The following UST variants were observed in gnomAD, a reference collection of about 807,000 sequenced individuals.
UST encodes the protein chondroitin sulfate 2-O-sulfotransferase.
Under a neutral mutation model 45.6 loss-of-function variants are expected in UST, and 21 were observed. That is an observed-to-expected ratio of 0.46 (90% CI 0.33 to 0.66). The LOEUF is 0.66. Among genes scored for constraint, UST ranks in the 30% least tolerant of loss-of-function variants. The pLI is 0.02. For missense variants in UST, 463 were observed against 512.4 expected (o/e 0.90, Z 0.93); for synonymous variants, 215 against 200.6 (o/e 1.07, Z -0.61).
rs902821198 is a variant in UST, at chr6:148,975,682, G to A, written c.681+11119G>A. Among the ~76,000 whole-genome samples, 4 of 152,118 alleles carry A rather than the reference G, an allele frequency of 2.6e-5. 1 individual carries two copies. The highest frequency in any genetic ancestry group is 1.9e-4 in the East Asian group (1 of 5,202). On this transcript the variant is annotated intron_variant, in intron 5 of 7. Transcript: ENST00000367463. ...CAATAAAATTTCAGTTAGAAAAAAA[G>A]CATCATGCACCAATAGAGAAAAGAT... is the stretch of plus-strand genomic sequence containing the variant.
At chr6:148,761,716 C>G (rs889032635) in intron 1 of UST, among the ~76,000 whole-genome samples, 2 of 152,142 alleles carry the variant, frequency 1.3e-5, no homozygotes, top group African/African-American at 4.8e-5. Flanking sequence ...CAGCCTGGCC[C>G]GGGGATTGTG....
intron 1 of UST, among the ~76,000 whole-genome samples, chr6:148,854,705 ATGAAT>A (rs1778169213): frequency 6.6e-6 from 1 of 152,180 alleles, no homozygotes; most frequent in African/African-American, 2.4e-5. Context: ...CTATTTCCTG[ATGAAT>A]TGAAGTTCAC....
intron 3 of UST, among the ~76,000 whole-genome samples, chr6:148,949,472 C>T (rs1343401411): frequency 6.6e-6 from 1 of 150,820 alleles, no homozygotes; most frequent in Non-Finnish European, 1.5e-5. Flanking sequence ...GATTAAATGA[C>T]ACCATATGTA....
intron 7 of UST, among the ~76,000 whole-genome samples, chr6:149,047,837 G>A (rs1776416019): frequency 6.6e-6 from 1 of 152,090 alleles, no homozygotes; most frequent in African/African-American, 2.4e-5. Context: ...CAAGTGACAT[G>A]GCCAGTGATC....
chr6:148,913,423 C>T (rs78434318), intron 2 of UST, among the ~76,000 whole-genome samples: 279 of 79,834 alleles, frequency 3.5e-3, no homozygotes, highest in Admixed American at 3.8e-3. Flanking sequence ...GACCAAAAAT[C>T]TTTTTTTTTT....
Position 149,074,068 on chromosome 6 carries a change from T to C in UST, c.1173T>C (p.Asp391=). 1.2e-6 allele frequency: 2 copies of C among 1,614,202 alleles called. No homozygotes were observed. Among genetic ancestry groups the C allele is most frequent in the African/African-American group, 1.3e-5 (1 of 75,058 alleles). The change falls in exon 8 of 8, where the codon GAT becomes GAC. Residue 391 remains aspartate (D), a synonymous_variant. Transcript: ENST00000367463. ...TPLETEEPID[D]EEQDDEKWLE... is the part of the protein sequence containing the mutation. ...TGGAAACCGAGGAGCCAATCGACGA[T>C]GAAGAACAGGATGATGAAAAGTGGC... is the stretch of plus-strand genomic sequence containing the variant.
chr6:148,970,339 A>G (rs1018046456), intron 5 of UST, among the ~76,000 whole-genome samples: 3 of 152,174 alleles, frequency 2.0e-5, no homozygotes, highest in Non-Finnish European at 4.4e-5. Context: ...GCAGGTTAGC[A>G]TGCTTTGCCT....
chr6:148,970,655 C>T (rs1167908123), intron 5 of UST, among the ~76,000 whole-genome samples: 6 of 152,180 alleles, frequency 3.9e-5, no homozygotes, highest in Non-Finnish European at 5.9e-5. Context: ...ACATGAACCA[C>T]AGCACAGCTA....
intron 1 of UST, among the ~76,000 whole-genome samples, chr6:148,781,754 A>T (rs768959988): frequency 3.3e-5 from 5 of 152,224 alleles, no homozygotes; most frequent in Admixed American, 6.5e-5. Flanking sequence ...CTGGTATCTT[A>T]AAGTTGAACC....
intron 5 of UST, among the ~76,000 whole-genome samples, chr6:148,966,533 T>C (rs975479026): frequency 3.3e-5 from 5 of 152,224 alleles, no homozygotes; most frequent in Non-Finnish European, 5.9e-5. Context: ...ACACGTCTTA[T>C]GAACACTACT....
intron 5 of UST, among the ~76,000 whole-genome samples, chr6:148,972,883 T>A (rs1397428686): frequency 1.4e-4 from 8 of 56,812 alleles, no homozygotes; most frequent in African/African-American, 6.3e-4. Context: ...GGCTTTGGGA[T>A]TTTTTTTTTT....
chr6:148,898,632 A>G (rs530119845), intron 2 of UST, among the ~76,000 whole-genome samples: 1 of 152,366 alleles, frequency 6.6e-6, no homozygotes, highest in African/African-American at 2.4e-5. Flanking sequence ...CCCAAGAAGA[A>G]CATAATGAAT....
At chr6:148,887,093 G>A (rs1179107889) in intron 2 of UST, 64 bp downstream of exon 2, 1 of 1,269,748 alleles carries the variant, frequency 7.9e-7, no homozygotes, top group Non-Finnish European at 1.1e-6. Context: ...CCTCCAACAA[G>A]CAGAACAGAT....
At chr6:148,978,602 CAT>C (rs1781068949) in intron 5 of UST, among the ~76,000 whole-genome samples, 1 of 151,802 alleles carries the variant, frequency 6.6e-6, no homozygotes, top group African/African-American at 2.4e-5. Flanking sequence ...TGTTCTCACT[CAT>C]AAGTGGGAGT....
At chr6:148,990,278 A>G (rs1224511910) in intron 5 of UST, 2 of 491,510 alleles carry the variant, frequency 4.1e-6, no homozygotes, top group South Asian at 1.8e-4. Context: ...GCCATATTTT[A>G]TATAATAAAC....
intron 1 of UST, among the ~76,000 whole-genome samples, chr6:148,804,336 C>A (rs1486101821): frequency 6.6e-6 from 1 of 152,116 alleles, no homozygotes; most frequent in Non-Finnish European, 1.5e-5. Context: ...TCTAAATGTT[C>A]CCCTCCCCCA....
intron 2 of UST, among the ~76,000 whole-genome samples, chr6:148,892,895 T>A (rs1779047152): frequency 6.6e-6 from 1 of 152,202 alleles, no homozygotes; most frequent in Non-Finnish European, 1.5e-5. Context: ...ATCTTAGATT[T>A]TCTTAAACGG....
At chr6:149,061,138 T>A (rs1776649134) in intron 7 of UST, among the ~76,000 whole-genome samples, 1 of 152,016 alleles carries the variant, frequency 6.6e-6, no homozygotes, top group Admixed American at 6.5e-5. Flanking sequence ...ATCTCGGAGG[T>A]CATAAAGCGA....
intron 7 of UST, among the ~76,000 whole-genome samples, chr6:149,060,747 A>C (rs1314250532): frequency 6.6e-6 from 1 of 152,140 alleles, no homozygotes; most frequent in Admixed American, 6.5e-5. Context: ...TGTGCTGGGA[A>C]TCTCTGGCTG....
Sources: gnomAD v4.1 joint callset for allele counts (sites outside exome capture counted in the v4.1 genomes callset) on GRCh38, gnomAD v4.1.1 for gene constraint, MANE v1.5 for transcripts, NCBI Gene and HGNC (gene_info 2026-07-23, HGNC 2026-07-21) for gene names.